Variants in KRT86 observed in about 807,000 individuals in gnomAD.
KRT86 encodes the protein keratin 86.
In KRT86, 30 loss-of-function variants were observed where a neutral mutation model predicts 41.2. That is an observed-to-expected ratio of 0.73 (90% CI 0.54 to 0.99). The LOEUF is 0.99. Ranked by LOEUF, KRT86 falls within the 50% of genes least tolerant of loss-of-function variation. KRT86 has a pLI of 0.00. For missense variants in KRT86, 561 were observed against 571.4 expected, an observed-to-expected ratio of 0.98 and a Z score of 0.19; for synonymous variants, 238 against 238.1, an observed-to-expected ratio of 1.00 and a Z score of 0.00.
intron 2 of KRT86, among the ~76,000 whole-genome samples, chr12:52,276,736 G>T (rs1324513008): frequency 6.6e-6 from 1 of 152,130 alleles, no homozygotes; most frequent in East Asian, 1.9e-4. Flanking sequence ...CCTTAGAAAG[G>T]AGCTAGTCCT....
chr12:52,308,532 TGCGCCCCCTCCGCCCGGGTTG>T lies in KRT86; in HGVS notation c.1412_1432del (p.Ala471_Gly477del), dbSNP rs1565751683. On this transcript the variant is annotated inframe_deletion, in exon 11 of 11. Transcript: ENST00000423955. ...CGTGGTGGTGGGCACTACTAACGCC[TGCGCCCCCTCCGCCCGGGTTG>T]GCGTCTGCGGCGGCAGCTGTAAGAG... 6.2e-7 allele frequency: 1 copy of T among 1,602,952 alleles called. No individual in the cohort carries two copies. The highest frequency in any genetic ancestry group is 8.5e-7 in the Non-Finnish European group (1 of 1,179,826).
At chr12:52,294,640 G>T (rs914070995) in intron 2 of KRT86, among the ~76,000 whole-genome samples, 11 of 152,062 alleles carry the variant, frequency 7.2e-5, no homozygotes, top group Non-Finnish European at 1.5e-4. Context: ...ATGCATAGGT[G>T]GTTAGATCTG....
chr12:52,281,770 G>C (rs927720117), intron 2 of KRT86, among the ~76,000 whole-genome samples: 1 of 151,966 alleles, frequency 6.6e-6, no homozygotes, highest in African/African-American at 2.4e-5. Flanking sequence ...ATGAAGTCTT[G>C]CTCTATCACC....
In KRT86 at chr12:52,305,534, G is replaced by A. The variant is rs527883744; in HGVS notation, c.901-129G>A. 3.3e-5 allele frequency: 52 copies of A among 1,598,706 alleles called. No homozygotes were observed. In the South Asian group the frequency reaches 5.6e-4, roughly 17 times the overall value. ...AGATGGCTGCCACTCTGATGTTGGG[G>A]TGGTAGGGCAGGACTGCCATGTGTG... On this transcript the variant is annotated intron_variant, in intron 7 of 10. Transcript: ENST00000423955.
At chr12:52,287,066 G>A (rs757215183) in intron 2 of KRT86, 21 of 1,612,498 alleles carry the variant, frequency 1.3e-5, no homozygotes, top group Non-Finnish European at 1.5e-5. Context: ...CAGGGATGGG[G>A]AAGGGTGGTT....
intron 2 of KRT86, among the ~76,000 whole-genome samples, chr12:52,300,684 T>G (rs1474587755): frequency 6.6e-6 from 1 of 152,220 alleles, no homozygotes; most frequent in Non-Finnish European, 1.5e-5. Flanking sequence ...CTGACAAACT[T>G]CTGTGCAGGA....
At chr12:52,278,047 G>C (rs1031996926) in intron 2 of KRT86, among the ~76,000 whole-genome samples, 3 of 152,184 alleles carry the variant, frequency 2.0e-5, no homozygotes, top group Non-Finnish European at 4.4e-5. Flanking sequence ...GTCTCTGTGT[G>C]AAGTGCCTTC....
Position 52,303,316 on chromosome 12 carries a change from C to G in KRT86, c.578+8C>G. 2.8e-6 allele frequency: 1 copy of G among 357,204 alleles called. No individual in the cohort carries two copies. Among genetic ancestry groups the G allele is most frequent in the South Asian group, 2.3e-5 (1 of 44,010 alleles). The allele number at this position is 357,204 out of a possible 1,614,324, so 22.1% of individuals were successfully genotyped here. A position where few individuals can be genotyped will look rare whatever the true frequency, so the allele number is the denominator to read the frequency against. ...GGAGGGCTACAAGAAGAAGTGAGTG[C>G]GGGCAAGAGGGATGCTGGGCACAGG... On this transcript the variant is annotated splice_region_variant and intron_variant, in intron 4 of 10. Transcript: ENST00000423955.
At chr12:52,305,586 C>G in intron 7 of KRT86, 77 bp from the exon 8 acceptor site, 1 of 1,612,320 alleles carries the variant, frequency 6.2e-7, no homozygotes, top group Non-Finnish European at 8.5e-7. Flanking sequence ...ACTGCACAAC[C>G]TGCAAAATCA....
intron 2 of KRT86, among the ~76,000 whole-genome samples, chr12:52,280,697 T>C (rs1021505353): frequency 6.6e-6 from 1 of 152,210 alleles, no homozygotes; most frequent in Non-Finnish European, 1.5e-5. Context: ...ACATCAGCCC[T>C]GGTTGATAAA....
At chr12:52,304,409 G>T (rs1484055313) in intron 5 of KRT86, among the ~76,000 whole-genome samples, 1 of 139,172 alleles carries the variant, frequency 7.2e-6, no homozygotes, top group Non-Finnish European at 1.5e-5. Flanking sequence ...ACTGTCCTCT[G>T]TGTGTCCTGC....
rs758552461 is a variant in KRT86, at chr12:52,305,015, G to A, written c.723G>A (p.Arg241=). 2 of 1,613,944 alleles carry A rather than the reference G, an allele frequency of 1.2e-6. No individual in the cohort carries two copies. The highest frequency in any genetic ancestry group is 2.7e-5 in the African/African-American group (2 of 74,918). The change falls in exon 6 of 11, where the codon CGG becomes CGA. Residue 241 remains arginine, a synonymous_variant. Transcript: ENST00000423955. ...TCCAGGAGATCGACTTCCTGAGGCG[G>A]CTGTATGAGGAGGTGCGGGCTCAGG... The part of the protein sequence containing the change: ...ALIQEIDFLR[R]LYEEEIRVLQ...
At chr12:52,287,881 C>A in intron 2 of KRT86, 1 of 1,606,280 alleles carries the variant, frequency 6.2e-7, no homozygotes, top group Non-Finnish European at 8.5e-7. Flanking sequence ...CCTCTCTTCT[C>A]ATCCCTAGGG....
chr12:52,285,091 G>A (rs1409112116), intron 2 of KRT86, among the ~76,000 whole-genome samples: 1 of 152,198 alleles, frequency 6.6e-6, no homozygotes, highest in Non-Finnish European at 1.5e-5. Context: ...AACCTTTTAC[G>A]TATATGAAAT....
At chr12:52,276,026 C>T (rs1299989077) in intron 2 of KRT86, 80 bp downstream of exon 2, 1 of 985,604 alleles carries the variant, frequency 1.0e-6, no homozygotes, top group Non-Finnish European at 1.2e-6. Context: ...CCCTCCCCAC[C>T]TACCCTTTGG....
intron 2 of KRT86, among the ~76,000 whole-genome samples, chr12:52,279,976 G>A (rs146004584): frequency 1.1e-4 from 16 of 152,330 alleles, no homozygotes; most frequent in African/African-American, 3.6e-4. Flanking sequence ...AGGAAACCGA[G>A]CAGAAACAGA....
At chr12:52,293,986 C>T (rs920781225) in intron 2 of KRT86, among the ~76,000 whole-genome samples, 2 of 152,138 alleles carry the variant, frequency 1.3e-5, no homozygotes, top group Admixed American at 6.5e-5. Flanking sequence ...CTCAGGGTAT[C>T]TGTGCAAAAC....
intron 2 of KRT86, among the ~76,000 whole-genome samples, chr12:52,285,459 G>A (rs576129128): frequency 3.9e-5 from 6 of 152,126 alleles, no homozygotes; most frequent in Admixed American, 6.5e-5. Context: ...AATTACTCAG[G>A]CATGAGTCTT....
At chr12:52,275,082 G>A (rs1448187743) in intron 1 of KRT86, 2 of 152,192 alleles carry the variant, frequency 1.3e-5, no homozygotes, top group African/African-American at 2.4e-5. Flanking sequence ...GTTTGCCTGA[G>A]GAAAGACAAT....
Sources: gnomAD v4.1 joint callset for allele counts (sites outside exome capture counted in the v4.1 genomes callset) on GRCh38, gnomAD v4.1.1 for gene constraint, MANE v1.5 for transcripts, NCBI Gene and HGNC (gene_info 2026-07-23, HGNC 2026-07-21) for gene names.